The following TRHDE variants were observed in gnomAD, a reference collection of about 807,000 sequenced individuals.
TRHDE encodes thyrotropin releasing hormone degrading enzyme.
In TRHDE, 72 loss-of-function variants were observed where a neutral mutation model predicts 125.7. The ratio of observed to expected loss-of-function variants is 0.57; its 90% CI spans 0.47 to 0.70. The LOEUF (loss-of-function observed/expected upper bound fraction) is 0.70, where lower values mean the gene tolerates loss of function less well. TRHDE is among the 30% of genes least tolerant of loss of function. The pLI is 0.00. For missense variants in TRHDE, 1,110 were observed against 1,327.1 expected (o/e 0.84, Z 2.54); for synonymous variants, 509 against 509.1 (o/e 1.00, Z 0.00).
chr12:72,637,530 T>G lies in TRHDE; in HGVS notation c.2676-14792T>G, dbSNP rs537966678. Among the ~76,000 whole-genome samples, 625 of 152,248 alleles carry G rather than the reference T, an allele frequency of 4.1e-3. 2 individuals are homozygous for G. The highest frequency in any genetic ancestry group is 0.014 in the African/African-American group (577 of 41,564). On this transcript the variant is annotated intron_variant, in intron 15 of 18. Coordinates refer to ENST00000261180, the MANE Select transcript of TRHDE (RefSeq NM_013381.3). ...CAGTTCTGCTCTGATTTTAGTTATT[T>G]CTTGCCTTCTGCTAGCTTTTGAATG...
intron 2 of TRHDE, among the ~76,000 whole-genome samples, chr12:72,226,291 C>T (rs1444091978): frequency 1.3e-5 from 2 of 152,100 alleles, no homozygotes; most frequent in African/African-American, 4.8e-5. Context: ...ACATTCTTAG[C>T]CCTTTGTGTA....
At chr12:72,582,991 C>T (rs1308653543) in intron 12 of TRHDE, among the ~76,000 whole-genome samples, 2 of 152,050 alleles carry the variant, frequency 1.3e-5, no homozygotes, top group Admixed American at 6.5e-5. Context: ...AAATTATGAG[C>T]ATTATTAATA....
intron 3 of TRHDE, among the ~76,000 whole-genome samples, chr12:72,443,397 G>GTAT (rs1875118130): frequency 6.6e-6 from 1 of 151,588 alleles, no homozygotes; most frequent in Non-Finnish European, 1.5e-5. Context: ...AGTATCCCAG[G>GTAT]TATTATATTG....
At chr12:72,101,038 T>A (rs1875055001) in intron 1 of TRHDE, among the ~76,000 whole-genome samples, 7 of 152,150 alleles carry the variant, frequency 4.6e-5, no homozygotes, top group Admixed American at 4.6e-4. Flanking sequence ...GTGACTGCAG[T>A]CTGACTAATT....
At chr12:72,192,961 T>C (rs1877369535) in intron 2 of TRHDE, among the ~76,000 whole-genome samples, 1 of 152,090 alleles carries the variant, frequency 6.6e-6, no homozygotes, top group Non-Finnish European at 1.5e-5. Context: ...CATCGTATCA[T>C]TATCAAATAA....
intron 2 of TRHDE, among the ~76,000 whole-genome samples, chr12:72,224,501 T>G (rs1467644791): frequency 1.3e-5 from 2 of 152,160 alleles, no homozygotes; most frequent in Non-Finnish European, 2.9e-5. Flanking sequence ...AATATTATTT[T>G]TTGCTTGGAA....
intron 2 of TRHDE, among the ~76,000 whole-genome samples, chr12:72,329,283 T>G (rs1333041103): frequency 6.6e-6 from 1 of 152,216 alleles, no homozygotes; most frequent in Non-Finnish European, 1.5e-5. Flanking sequence ...GGTGAATAAT[T>G]TATCCACTGT....
intron 2 of TRHDE, chr12:72,256,264 CT>C: frequency 1.3e-5 from 2 of 152,334 alleles, no homozygotes; most frequent in Non-Finnish European, 2.9e-5. Flanking sequence ...CCTACTTTTC[CT>C]TTTTTCCTAC....
intron 6 of TRHDE, among the ~76,000 whole-genome samples, chr12:72,530,328 C>T (rs1868478877): frequency 6.6e-6 from 1 of 150,866 alleles, no homozygotes; most frequent in Admixed American, 6.6e-5. Context: ...AAAATCCAGT[C>T]TGCATGGTAG....
chr12:72,410,914 C>T lies in TRHDE; in HGVS notation c.1315+32793C>T, dbSNP rs1043824205. Among the ~76,000 whole-genome samples, 9 of 151,760 alleles carry T rather than the reference C, an allele frequency of 5.9e-5. No individual in the cohort carries two copies. In the East Asian group the frequency reaches 9.6e-4, roughly 16 times the overall value. ...TTGAGATTAAAAACAACATACAGGC[C>T]GGGCCCGGTGGCTCACGCCTGTAAT... On this transcript the variant is annotated intron_variant, in intron 3 of 18. Transcript: ENST00000261180.
intron 2 of TRHDE, among the ~76,000 whole-genome samples, chr12:72,299,305 T>G (rs1326259188): frequency 1.3e-5 from 2 of 152,220 alleles, no homozygotes; most frequent in African/African-American, 4.8e-5. Flanking sequence ...TAGTACGATC[T>G]GTCCTCAATC....
chr12:72,182,622 G>A (rs1277175026), intron 2 of TRHDE, among the ~76,000 whole-genome samples: 3 of 152,164 alleles, frequency 2.0e-5, no homozygotes, highest in African/African-American at 7.2e-5. Flanking sequence ...GCCAGGATAA[G>A]CATTCTGTAC....
chr12:72,102,114 A>G (rs1262358097), intron 1 of TRHDE, among the ~76,000 whole-genome samples: 2 of 152,208 alleles, frequency 1.3e-5, no homozygotes, highest in Non-Finnish European at 2.9e-5. Context: ...TTGGGAGTGT[A>G]GAGACTTGGT....
At chr12:72,294,768 CA>C (rs1277397903) in intron 2 of TRHDE, among the ~76,000 whole-genome samples, 3 of 152,078 alleles carry the variant, frequency 2.0e-5, no homozygotes, top group African/African-American at 7.2e-5. Flanking sequence ...CTATAAGTGC[CA>C]AGGGGTATCT....
At chr12:72,259,566 A>C (rs73336644) in intron 2 of TRHDE, among the ~76,000 whole-genome samples, 35,279 of 152,104 alleles carry the variant, frequency 0.23, 4,798 homozygotes, top group African/African-American at 0.38. Flanking sequence ...ACAGACACAC[A>C]CTTAAATCCA....
At chr12:72,582,166 A>G in intron 12 of TRHDE, 1 of 800,030 alleles carries the variant, frequency 1.2e-6, no homozygotes, top group South Asian at 5.7e-5. Flanking sequence ...GTAGTGCATA[A>G]TATATGTTTG....
At chr12:72,166,638 T>A (rs1430372570) in intron 2 of TRHDE, among the ~76,000 whole-genome samples, 1 of 152,196 alleles carries the variant, frequency 6.6e-6, no homozygotes, top group South Asian at 2.1e-4. Flanking sequence ...GTTCCTCTGA[T>A]GCGCTCCATT....
intron 2 of TRHDE, among the ~76,000 whole-genome samples, chr12:72,233,674 T>C (rs1446753545): frequency 6.6e-6 from 1 of 152,092 alleles, no homozygotes; most frequent in African/African-American, 2.4e-5. Flanking sequence ...CACTGATAAA[T>C]AAGAAACACA....
At chr12:72,448,917 C>T (rs1875435946) in intron 3 of TRHDE, among the ~76,000 whole-genome samples, 1 of 151,640 alleles carries the variant, frequency 6.6e-6, no homozygotes, top group Non-Finnish European at 1.5e-5. Flanking sequence ...TGCCTTTGGG[C>T]TTAAAGTGTA....
Sources: gnomAD v4.1 joint callset for allele counts (sites outside exome capture counted in the v4.1 genomes callset) on GRCh38, gnomAD v4.1.1 for gene constraint, MANE v1.5 for transcripts, NCBI Gene and HGNC (gene_info 2026-07-23, HGNC 2026-07-21) for gene names.